Variants in SEMA3D observed in about 807,000 individuals in gnomAD.
The protein encoded by SEMA3D is semaphorin 3D.
A neutral mutation model predicts 100.1 loss-of-function variants in SEMA3D; 84 were observed. That is an observed-to-expected ratio of 0.84 (90% CI 0.70 to 1.01). The LOEUF is 1.01. Ranked by LOEUF, SEMA3D falls within the 50% of genes least tolerant of loss-of-function variation. SEMA3D has a pLI of 0.00. For synonymous variants in SEMA3D, 312 were observed against 320.7 expected, an observed-to-expected ratio of 0.97 and a Z score of 0.29; for missense variants, 875 against 934.1, an observed-to-expected ratio of 0.94 and a Z score of 0.82.
chr7:85,197,572 C>G, the SEMA3D span, among the ~76,000 whole-genome samples: 3 of 144,144 alleles, frequency 2.1e-5, no homozygotes, highest in South Asian at 7.0e-4. Context: ...ATGTATAAAA[C>G]CAAGCTGCAC....
intron 8 of SEMA3D, among the ~76,000 whole-genome samples, chr7:85,057,541 C>T (rs1791355587): frequency 6.6e-6 from 1 of 152,170 alleles, no homozygotes. Context: ...GCTCTGATTG[C>T]TGTGCGCCCC....
At position 85,081,594 on chromosome 7, in the gene SEMA3D, A is replaced by G. The variant is rs372537780; in HGVS notation, c.313-15T>C. On this transcript the variant is annotated splice_polypyrimidine_tract_variant and intron_variant, in intron 4 of 18. Coordinates refer to ENST00000284136, the MANE Select transcript of SEMA3D (RefSeq NM_001384900.1). ...GGCCAATAAATCTGCAAAACATTTCAAAGTATGTTACAACCTGAATATCTG... is the reference window on the plus strand; with the variant it reads ...GGCCAATAAATCTGCAAAACATTTCGAAGTATGTTACAACCTGAATATCTG... 89 of 1,588,942 alleles carry G rather than the reference A, an allele frequency of 5.6e-5. No homozygotes were observed. In the African/African-American group the frequency reaches 8.5e-4, roughly 15 times the overall value.
At chr7:85,002,725 G>A (rs983664450) in intron 18 of SEMA3D, among the ~76,000 whole-genome samples, 4 of 152,054 alleles carry the variant, frequency 2.6e-5, no homozygotes, top group African/African-American at 9.7e-5. Context: ...TTTGAGCTGG[G>A]GTCAACTATC....
chr7:85,166,829 C>T (rs1295330700), intron 1 of SEMA3D, among the ~76,000 whole-genome samples: 6 of 151,796 alleles, frequency 4.0e-5, no homozygotes, highest in Non-Finnish European at 8.8e-5. Context: ...ATGAAAGCCC[C>T]GTTTTATTTT....
At chr7:85,015,330 C>A in intron 15 of SEMA3D, 114 bp from the exon 16 acceptor site, 6 of 884,320 alleles carry the variant, frequency 6.8e-6, no homozygotes, top group Non-Finnish European at 7.1e-6. Context: ...GGTGTCCTGC[C>A]CATTGTAAAC....
intron 4 of SEMA3D, among the ~76,000 whole-genome samples, chr7:85,091,171 A>AGGG (rs1788382713): frequency 2.4e-5 from 3 of 124,804 alleles, no homozygotes; most frequent in Admixed American, 1.6e-4. Flanking sequence ...GGAAGGAAGG[A>AGGG]AAGAAGGAAG....
At chr7:85,130,179 A>G (rs1281616750) in intron 2 of SEMA3D, among the ~76,000 whole-genome samples, 1 of 152,162 alleles carries the variant, frequency 6.6e-6, no homozygotes, top group East Asian at 1.9e-4. Flanking sequence ...TTAGGAACCA[A>G]GTCTTCATAT....
the SEMA3D span, among the ~76,000 whole-genome samples, chr7:85,200,424 A>G: frequency 6.6e-6 from 1 of 152,154 alleles, no homozygotes; most frequent in Non-Finnish European, 1.5e-5. Flanking sequence ...TGTTTTAGCA[A>G]AGAGCCTGGT....
intron 1 of SEMA3D, among the ~76,000 whole-genome samples, chr7:85,153,948 C>A (rs1790506793): frequency 6.6e-6 from 1 of 152,136 alleles, no homozygotes; most frequent in Admixed American, 6.6e-5. Context: ...ATGAGACCCA[C>A]CAACATGACA....
At chr7:85,008,685 C>A (rs1051291684) in intron 17 of SEMA3D, among the ~76,000 whole-genome samples, 2 of 151,646 alleles carry the variant, frequency 1.3e-5, no homozygotes, top group African/African-American at 2.4e-5. Context: ...GGCAGGGACA[C>A]AACACACAGT....
In SEMA3D at chr7:85,022,386, C is replaced by T. The variant is rs1790278340; in HGVS notation, c.1414+5G>A. On this transcript the variant is annotated splice_donor_5th_base_variant and intron_variant, in intron 13 of 18. Coordinates refer to ENST00000284136, the MANE Select transcript of SEMA3D (RefSeq NM_001384900.1). Reference sequence around the variant, plus strand: ...TGAAAAAATCCTAATCTAGTTTTAGCTTACCTGTTCCAAGAAACATTACAT... The same window carrying T: ...TGAAAAAATCCTAATCTAGTTTTAGTTTACCTGTTCCAAGAAACATTACAT... The T allele has an allele frequency of 3.1e-6, 5 of 1,602,018 alleles. No homozygotes were observed. The highest frequency in any genetic ancestry group is 2.7e-5 in the African/African-American group (2 of 74,540).
chr7:85,103,916 T>G (rs912710017), intron 3 of SEMA3D, among the ~76,000 whole-genome samples: 2 of 152,008 alleles, frequency 1.3e-5, no homozygotes, highest in African/African-American at 2.4e-5. Flanking sequence ...GACAATGAAA[T>G]GGTTCCGAGG....
intron 4 of SEMA3D, among the ~76,000 whole-genome samples, chr7:85,086,277 T>C (rs1405595766): frequency 6.6e-6 from 1 of 152,070 alleles, no homozygotes; most frequent in African/African-American, 2.4e-5. Flanking sequence ...AAGATGTCAG[T>C]TTAATTATGA....
chr7:85,022,350 A>G, intron 13 of SEMA3D, 41 bp downstream of exon 13: 1 of 1,414,326 alleles, frequency 7.1e-7, no homozygotes, highest in Non-Finnish European at 1.0e-6. Flanking sequence ...CTAATAATGA[A>G]AAATTCCTTT....
At chr7:85,164,343 T>G (rs569565396) in intron 1 of SEMA3D, among the ~76,000 whole-genome samples, 1 of 152,292 alleles carries the variant, frequency 6.6e-6, no homozygotes, top group East Asian at 1.9e-4. Flanking sequence ...TCTATCTGTA[T>G]GTATCTATAC....
At chr7:85,235,225 T>G in the SEMA3D span, among the ~76,000 whole-genome samples, 1 of 152,244 alleles carries the variant, frequency 6.6e-6, no homozygotes, top group Admixed American at 6.5e-5. Context: ...TATACTTATA[T>G]ACACATTATT....
intron 8 of SEMA3D, among the ~76,000 whole-genome samples, chr7:85,059,879 G>A (rs1791425863): frequency 6.6e-6 from 1 of 152,170 alleles, no homozygotes; most frequent in Non-Finnish European, 1.5e-5. Flanking sequence ...ATGCAGAAAT[G>A]CATAGGAAAA....
At chr7:85,207,222 G>T in the SEMA3D span, among the ~76,000 whole-genome samples, 1 of 152,174 alleles carries the variant, frequency 6.6e-6, no homozygotes, top group Non-Finnish European at 1.5e-5. Context: ...TAAGTAGAAA[G>T]ATATCGGGGT....
chr7:85,248,657 G>C, the SEMA3D span, among the ~76,000 whole-genome samples: 2 of 152,224 alleles, frequency 1.3e-5, no homozygotes, highest in East Asian at 3.9e-4. Flanking sequence ...AAAGCCATGA[G>C]CTATCCAGTC....
Sources: gnomAD v4.1 joint callset for allele counts (sites outside exome capture counted in the v4.1 genomes callset) on GRCh38, gnomAD v4.1.1 for gene constraint, MANE v1.5 for transcripts, NCBI Gene and HGNC (gene_info 2026-07-23, HGNC 2026-07-21) for gene names.